Variants in CNTNAP2 observed in about 807,000 individuals in gnomAD.
CNTNAP2 encodes contactin associated protein 2.
A neutral mutation model predicts 155.2 loss-of-function variants in CNTNAP2; 98 were observed. That is an observed-to-expected ratio of 0.63 (90% CI 0.54 to 0.75). CNTNAP2 has a LOEUF of 0.75. Among genes scored for constraint, CNTNAP2 ranks in the 30% least tolerant of loss-of-function variants. The pLI is 0.00. For missense variants in CNTNAP2, 1,727 were observed against 1,688.1 expected (o/e 1.02, Z -0.40); for synonymous variants, 651 against 631.2 (o/e 1.03, Z -0.47).
intron 13 of CNTNAP2, among the ~76,000 whole-genome samples, chr7:147,674,337 AGTT>A (rs751051662): frequency 3.3e-5 from 5 of 152,238 alleles, no homozygotes; most frequent in Middle Eastern, 3.4e-3. Flanking sequence ...CATATTTTTT[AGTT>A]GTTGTTTTGT....
chr7:148,176,895 G>A (rs1794947950), intron 18 of CNTNAP2, among the ~76,000 whole-genome samples: 1 of 152,128 alleles, frequency 6.6e-6, no homozygotes, highest in South Asian at 2.1e-4. Flanking sequence ...GGGACCGAAT[G>A]GATAGTTGCT....
chr7:146,783,941 C>T (rs967984144), intron 2 of CNTNAP2, among the ~76,000 whole-genome samples: 14 of 152,136 alleles, frequency 9.2e-5, no homozygotes, highest in Admixed American at 6.5e-5. Context: ...GTGCGGATCA[C>T]GGGCTTTCAA....
At chr7:148,275,598 G>A (rs1023840168) in intron 21 of CNTNAP2, among the ~76,000 whole-genome samples, 1 of 152,214 alleles carries the variant, frequency 6.6e-6, no homozygotes, top group African/African-American at 2.4e-5. Flanking sequence ...TGGATAGCCC[G>A]AAATAGCCTC....
intron 9 of CNTNAP2, among the ~76,000 whole-genome samples, chr7:147,379,786 T>C (rs1425060236): frequency 1.3e-5 from 2 of 152,058 alleles, no homozygotes; most frequent in Non-Finnish European, 2.9e-5. Flanking sequence ...TCCTATTCTT[T>C]GCACAGGTCT....
At chr7:148,239,626 C>T (rs1490367006) in intron 20 of CNTNAP2, among the ~76,000 whole-genome samples, 2 of 152,154 alleles carry the variant, frequency 1.3e-5, no homozygotes, top group Non-Finnish European at 2.9e-5. Context: ...TATTTGAGCA[C>T]GTTTTCATTA....
chr7:147,346,187 G>A (rs1352259500), intron 9 of CNTNAP2, among the ~76,000 whole-genome samples: 33 of 140,358 alleles, frequency 2.4e-4, no homozygotes, highest in Admixed American at 9.0e-4. Flanking sequence ...TCGCTCTGTC[G>A]TCCAGGCCGG....
At chr7:147,896,433 C>T (rs1192069714) in intron 13 of CNTNAP2, among the ~76,000 whole-genome samples, 1 of 152,178 alleles carries the variant, frequency 6.6e-6, no homozygotes, top group African/African-American at 2.4e-5. Context: ...GCCAGCTGTG[C>T]AGGAGACCAG....
At chr7:147,004,498 A>G (rs189952084) in intron 3 of CNTNAP2, among the ~76,000 whole-genome samples, 165 of 152,168 alleles carry the variant, frequency 1.1e-3, no homozygotes, top group African/African-American at 3.8e-3. Context: ...CTTATTGGCT[A>G]TATAGGTAAA....
intron 23 of CNTNAP2, among the ~76,000 whole-genome samples, chr7:148,412,597 T>A (rs1799868107): frequency 6.6e-6 from 1 of 152,256 alleles, no homozygotes; most frequent in Admixed American, 6.5e-5. Flanking sequence ...AATAACTTTT[T>A]TTGTATATTC....
At chr7:147,812,462 T>C (rs1798196114) in intron 13 of CNTNAP2, among the ~76,000 whole-genome samples, 2 of 151,596 alleles carry the variant, frequency 1.3e-5, no homozygotes, top group South Asian at 4.1e-4. Context: ...AGTACAGAGT[T>C]CTTATATAAG....
intron 21 of CNTNAP2, among the ~76,000 whole-genome samples, chr7:148,365,442 A>C (rs80323607): frequency 0.016 from 2,449 of 152,114 alleles, 81 homozygotes; most frequent in African/African-American, 0.055. Flanking sequence ...AGGTGGGCAG[A>C]CTCCCTGAGG....
chr7:146,695,587 A>C (rs1800768679), intron 1 of CNTNAP2, among the ~76,000 whole-genome samples: 1 of 151,326 alleles, frequency 6.6e-6, no homozygotes, highest in African/African-American at 2.4e-5. Flanking sequence ...TTTGTTTTTG[A>C]TTGTTTTTCA....
At chr7:146,815,873 T>A (rs1199498309) in intron 2 of CNTNAP2, among the ~76,000 whole-genome samples, 1 of 152,178 alleles carries the variant, frequency 6.6e-6, no homozygotes, top group Non-Finnish European at 1.5e-5. Context: ...ACTCGTCATT[T>A]ACATTAGGTA....
At chr7:147,789,957 C>T (rs1387031559) in intron 13 of CNTNAP2, among the ~76,000 whole-genome samples, 1 of 152,176 alleles carries the variant, frequency 6.6e-6, no homozygotes, top group Non-Finnish European at 1.5e-5. Flanking sequence ...CTTCCTTGCT[C>T]CTCAGCTTGC....
At chr7:146,905,464 G>A (rs1796100485) in intron 3 of CNTNAP2, among the ~76,000 whole-genome samples, 1 of 152,042 alleles carries the variant, frequency 6.6e-6, no homozygotes, top group Admixed American at 6.6e-5. Flanking sequence ...CCTCTTACGA[G>A]TTGGTTCCAG....
chr7:147,047,536 GT>G (rs1799389691), intron 4 of CNTNAP2, among the ~76,000 whole-genome samples: 2 of 151,944 alleles, frequency 1.3e-5, no homozygotes, highest in African/African-American at 4.8e-5. Flanking sequence ...GTTTTAAGTA[GT>G]TTTTGCAGGC....
intron 4 of CNTNAP2, among the ~76,000 whole-genome samples, chr7:147,055,151 A>G (rs1342604835): frequency 6.6e-6 from 1 of 152,202 alleles, no homozygotes. Flanking sequence ...ATTTGCTAGG[A>G]AAAAAGTCCT....
At chr7:148,413,288 A>C (rs1332433519) in intron 23 of CNTNAP2, among the ~76,000 whole-genome samples, 1 of 149,608 alleles carries the variant, frequency 6.7e-6, no homozygotes, top group Non-Finnish European at 1.5e-5. Context: ...GCTACTCGGG[A>C]GGCTGAGACA....
At chr7:146,812,105 G>A (rs557146049) in intron 2 of CNTNAP2, among the ~76,000 whole-genome samples, 21 of 152,214 alleles carry the variant, frequency 1.4e-4, no homozygotes, top group Middle Eastern at 3.4e-3. Flanking sequence ...ATGTGGAAGC[G>A]ACTTTGGAAC....
Sources: allele counts gnomAD v4.1 joint callset (sites outside exome capture counted in the v4.1 genomes callset), GRCh38; gene constraint gnomAD v4.1.1; transcripts MANE v1.5; gene names NCBI Gene and HGNC (gene_info 2026-07-23, HGNC 2026-07-21).